The following GPR176 variants were observed in gnomAD, a reference collection of about 807,000 sequenced individuals.
GPR176 encodes G-protein coupled receptor 176.
Under a neutral mutation model 35.4 loss-of-function variants are expected in GPR176, and 26 were observed. The observed-to-expected ratio is 0.74, with a 90% confidence interval of 0.54 to 1.02. The LOEUF (loss-of-function observed/expected upper bound fraction) is 1.02, where lower values mean the gene tolerates loss of function less well. Among genes scored for constraint, GPR176 ranks in the 50% least tolerant of loss-of-function variants. The pLI is 0.00. For synonymous variants in GPR176, 278 were observed against 271.3 expected, an observed-to-expected ratio of 1.02 and a Z score of -0.24; for missense variants, 597 against 665.3, an observed-to-expected ratio of 0.90 and a Z score of 1.13.
chr15:39,896,353 G>A (rs1349133363), intron 1 of GPR176, among the ~76,000 whole-genome samples: 5 of 152,166 alleles, frequency 3.3e-5, no homozygotes, highest in African/African-American at 9.7e-5. Flanking sequence ...TGGGATTAAA[G>A]GTGAAAGCTA....
At chr15:39,860,115 A>G (rs1168753630) in intron 1 of GPR176, among the ~76,000 whole-genome samples, 1 of 152,216 alleles carries the variant, frequency 6.6e-6, no homozygotes, top group African/African-American at 2.4e-5. Flanking sequence ...TGAAAACAAT[A>G]CTAGAGTAAT....
At chr15:39,901,505 CT>C (rs1399737820) in intron 1 of GPR176, among the ~76,000 whole-genome samples, 1 of 152,180 alleles carries the variant, frequency 6.6e-6, no homozygotes, top group Non-Finnish European at 1.5e-5. Context: ...ATTTCTACTT[CT>C]TCTCTGTCCC....
intron 1 of GPR176, among the ~76,000 whole-genome samples, chr15:39,838,730 T>C (rs894977524): frequency 1.3e-5 from 2 of 152,296 alleles, no homozygotes; most frequent in South Asian, 2.1e-4. Flanking sequence ...AGTATCAAAC[T>C]GAATGGGCAA....
chr15:39,893,732 G>A (rs1224307289), intron 1 of GPR176, among the ~76,000 whole-genome samples: 3 of 148,652 alleles, frequency 2.0e-5, no homozygotes, highest in African/African-American at 7.4e-5. Flanking sequence ...CGGGCGGGGG[G>A]CTGACCCCCC....
In GPR176 at chr15:39,800,973, A is replaced by C. The variant is rs1232606996; in HGVS notation, c.*159T>G. On this transcript the variant is annotated 3_prime_UTR_variant, in exon 3 of 3. Coordinates refer to ENST00000561100, the MANE Select transcript of GPR176 (RefSeq NM_007223.3). ...CTCAATAAAGAGGACACTGGATTTT[A>C]TGTAGATTTCCCTATCATTCAAAAG... The C allele has an allele frequency of 3.1e-6, 2 of 651,226 alleles. No individual in the cohort carries two copies. Among genetic ancestry groups the C allele is most frequent in the Non-Finnish European group, 5.4e-6 (2 of 372,998 alleles). 40.3% of individuals were successfully genotyped at this position (651,226 alleles called of 1,614,324 possible).
intron 1 of GPR176, among the ~76,000 whole-genome samples, chr15:39,884,754 C>T (rs886864654): frequency 2.0e-5 from 3 of 152,134 alleles, no homozygotes; most frequent in African/African-American, 7.2e-5. Flanking sequence ...TTCATTTTTA[C>T]CAGGAAAAAT....
chr15:39,818,488 A>G (rs1437004526), intron 1 of GPR176, among the ~76,000 whole-genome samples: 2 of 152,252 alleles, frequency 1.3e-5, no homozygotes, highest in Non-Finnish European at 2.9e-5. Context: ...TAATGCAGAT[A>G]AAATATTAGC....
intron 1 of GPR176, among the ~76,000 whole-genome samples, chr15:39,809,873 C>T (rs1173731817): frequency 6.6e-6 from 1 of 152,020 alleles, no homozygotes; most frequent in East Asian, 1.9e-4. Flanking sequence ...TGGCCGGGCG[C>T]GGTGGCTCAT....
At chr15:39,846,311 A>G (rs1791764358) in intron 1 of GPR176, among the ~76,000 whole-genome samples, 1 of 152,226 alleles carries the variant, frequency 6.6e-6, no homozygotes, top group African/African-American at 2.4e-5. Context: ...ATTCCTGGGC[A>G]TAGGCCAAGC....
intron 1 of GPR176, among the ~76,000 whole-genome samples, chr15:39,904,525 G>A (rs140866046): frequency 0.014 from 2,075 of 152,276 alleles, 19 homozygotes; most frequent in Non-Finnish European, 0.023. Flanking sequence ...ACTTACCCAG[G>A]AAGGAAGGGT....
chr15:39,871,396 T>C (rs2032035756), intron 1 of GPR176, among the ~76,000 whole-genome samples: 1 of 152,190 alleles, frequency 6.6e-6, no homozygotes, highest in South Asian at 2.1e-4. Flanking sequence ...TGGGGACTAA[T>C]AAACCATTCT....
At chr15:39,911,915 A>G (rs547772038) in intron 1 of GPR176, among the ~76,000 whole-genome samples, 32 of 152,344 alleles carry the variant, frequency 2.1e-4, no homozygotes, top group African/African-American at 6.7e-4. Flanking sequence ...TTCTTTTAAA[A>G]AAAAGTACCT....
At chr15:39,807,606 G>A (rs1899283395) in intron 1 of GPR176, 1 of 1,256,506 alleles carries the variant, frequency 8.0e-7, no homozygotes. Context: ...GTTTTCTAGT[G>A]ACCTCCATGT....
At chr15:39,889,412 T>C (rs983820809) in intron 1 of GPR176, among the ~76,000 whole-genome samples, 8 of 152,000 alleles carry the variant, frequency 5.3e-5, no homozygotes, top group African/African-American at 1.9e-4. Flanking sequence ...CCAGGCATGG[T>C]GGCGCACACC....
At chr15:39,837,060 A>G (rs927352020) in intron 1 of GPR176, among the ~76,000 whole-genome samples, 5 of 152,176 alleles carry the variant, frequency 3.3e-5, no homozygotes, top group African/African-American at 9.6e-5. Flanking sequence ...ATTCAAACTG[A>G]TAACAAGAAA....
intron 1 of GPR176, among the ~76,000 whole-genome samples, chr15:39,868,848 G>A (rs947033811): frequency 3.3e-5 from 5 of 152,124 alleles, no homozygotes; most frequent in African/African-American, 1.2e-4. Flanking sequence ...TCTGTCCTCT[G>A]CAGATACCTG....
chr15:39,917,162 A>T (rs1453743170), intron 1 of GPR176, among the ~76,000 whole-genome samples: 4 of 151,878 alleles, frequency 2.6e-5, no homozygotes, highest in African/African-American at 9.7e-5. Context: ...GGGCACCTGT[A>T]ATCCCAGCTA....
chr15:39,818,900 C>G lies in GPR176; in HGVS notation c.173-11642G>C, dbSNP rs137889140. Among the ~76,000 whole-genome samples the G allele has an allele frequency of 3.1e-3, 470 of 152,316 alleles. 2 individuals carry two copies. Among genetic ancestry groups the G allele is most frequent in the African/African-American group, 0.011 (441 of 41,576 alleles). ...CCATATAAATCAACTGGAAAACTTTCACGGCTTCACAAGATGCTTTCTCTC... is the reference window on the plus strand; with the variant it reads ...CCATATAAATCAACTGGAAAACTTTGACGGCTTCACAAGATGCTTTCTCTC... On this transcript the variant is annotated intron_variant, in intron 1 of 2. Transcript: ENST00000561100.
chr15:39,858,861 C>A (rs1039843514), intron 1 of GPR176, among the ~76,000 whole-genome samples: 1 of 152,114 alleles, frequency 6.6e-6, no homozygotes, highest in African/African-American at 2.4e-5. Context: ...ACTCTCCTGC[C>A]TCAGACTCCT....
Sources: allele counts gnomAD v4.1 joint callset (sites outside exome capture counted in the v4.1 genomes callset), GRCh38; gene constraint gnomAD v4.1.1; transcripts MANE v1.5; gene names NCBI Gene and HGNC (gene_info 2026-07-23, HGNC 2026-07-21).